TMEM132B: variants seen among roughly 807,000 people sequenced by gnomAD.
The protein encoded by TMEM132B is transmembrane protein 132B.
Under a neutral mutation model 90.8 loss-of-function variants are expected in TMEM132B, and 18 were observed. The ratio of observed to expected loss-of-function variants is 0.20; its 90% CI spans 0.14 to 0.29. The LOEUF (loss-of-function observed/expected upper bound fraction) is 0.29. Ranked by LOEUF, TMEM132B falls within the 10% of genes least tolerant of loss-of-function variation. The probability of loss-of-function intolerance (pLI) is 1.00; values close to 1 mark genes in which losing one functional copy is unlikely to be tolerated. For missense variants in TMEM132B, 1,096 were observed against 1,326.8 expected, an observed-to-expected ratio of 0.83 and a Z score of 2.70; for synonymous variants, 504 against 523.3, an observed-to-expected ratio of 0.96 and a Z score of 0.50.
At chr12:125,537,061 G>A (rs886689735) in intron 4 of TMEM132B, among the ~76,000 whole-genome samples, 1 of 152,016 alleles carries the variant, frequency 6.6e-6, no homozygotes, top group Admixed American at 6.6e-5. Flanking sequence ...TGGGATATAT[G>A]TCCAGCTGTC....
At position 125,579,521 on chromosome 12, in the gene TMEM132B, C is replaced by T. The variant is rs147137950; in HGVS notation, c.1294-4330C>T. Among the ~76,000 whole-genome samples, 639 of 151,874 alleles carry T rather than the reference C, an allele frequency of 4.2e-3. 1 individual carries two copies. The highest frequency in any genetic ancestry group is 6.8e-3 in the Admixed American group (104 of 15,254). ...GGATTACAGGTGTGGTGGCACCACA[C>T]CTGGCTAATTTTTTATATTTTTAGT... On this transcript the variant is annotated intron_variant, in intron 4 of 8. Transcript: ENST00000682704.
chr12:125,520,013 G>A (rs1883268448), intron 4 of TMEM132B, among the ~76,000 whole-genome samples: 1 of 152,142 alleles, frequency 6.6e-6, no homozygotes, highest in African/African-American at 2.4e-5. Flanking sequence ...TTGCCCTTAA[G>A]TCTCCCAGGT....
At chr12:125,510,768 TG>T (rs1360781659) in intron 3 of TMEM132B, among the ~76,000 whole-genome samples, 1 of 152,224 alleles carries the variant, frequency 6.6e-6, no homozygotes, top group Non-Finnish European at 1.5e-5. Flanking sequence ...TTACCATGCA[TG>T]TTTTTTTGCA....
At position 125,400,225 on chromosome 12, in the gene TMEM132B, G is replaced by A. The variant is rs190325118; in HGVS notation, c.960-15306G>A. Among the ~76,000 whole-genome samples, 4 of 152,316 alleles carry A rather than the reference G, an allele frequency of 2.6e-5. No individual in the cohort carries two copies. The East Asian group carries it at 7.7e-4, about 29-fold the overall frequency. On this transcript the variant is annotated intron_variant, in intron 2 of 8. Transcript: ENST00000682704. ...ATGTGAAATTTCTGATTTGTCCAAAGCTAGACACATAAGTTTCTTAGTATT... is the reference window on the plus strand; with the variant it reads ...ATGTGAAATTTCTGATTTGTCCAAAACTAGACACATAAGTTTCTTAGTATT...
chr12:125,421,710 G>C (rs1265814630), intron 3 of TMEM132B, among the ~76,000 whole-genome samples: 1 of 152,222 alleles, frequency 6.6e-6, no homozygotes, highest in African/African-American at 2.4e-5. Flanking sequence ...AGAGGGAAAG[G>C]TCATCCTTTT....
At chr12:125,199,381 A>T (rs1873003585) in intron 1 of TMEM132B, among the ~76,000 whole-genome samples, 1 of 152,184 alleles carries the variant, frequency 6.6e-6, no homozygotes. Flanking sequence ...TTAAGTTGTG[A>T]GTCCAGCTCT....
chr12:125,345,679 C>G (rs1354719017), intron 1 of TMEM132B, among the ~76,000 whole-genome samples: 1 of 152,186 alleles, frequency 6.6e-6, no homozygotes, highest in African/African-American at 2.4e-5. Flanking sequence ...CTTGTGTTCT[C>G]TCTGAACCTG....
Position 125,445,132 on chromosome 12 carries a change from A to G in TMEM132B, c.1106+29455A>G, listed in dbSNP as rs1238224931. ...GATAAGTGTAAAGATACAGTCAATT[A>G]TTTGCTACATTGATTTTCCTCTCCA... On this transcript the variant is annotated intron_variant, in intron 3 of 8. Coordinates refer to ENST00000682704, the MANE Select transcript of TMEM132B (RefSeq NM_001366854.1). The surrounding 1 kb of genome is among the most constrained non-coding windows in gnomAD (Gnocchi z 4.3). Among the ~76,000 whole-genome samples, 1 of 151,874 alleles carries G rather than the reference A, an allele frequency of 6.6e-6. No individual in the cohort carries two copies. The highest frequency in any genetic ancestry group is 1.9e-4 in the East Asian group (1 of 5,186).
chr12:125,379,784 A>G (rs1336021131), intron 2 of TMEM132B, among the ~76,000 whole-genome samples: 2 of 152,206 alleles, frequency 1.3e-5, no homozygotes, highest in Non-Finnish European at 2.9e-5. Flanking sequence ...TGTCCTGTGG[A>G]GTAAATGCTC....
chr12:125,191,514 G>C (rs530224857), intron 1 of TMEM132B, among the ~76,000 whole-genome samples: 142 of 152,286 alleles, frequency 9.3e-4, no homozygotes, highest in Admixed American at 3.4e-3. Flanking sequence ...AGCCTTGTGC[G>C]GAATGGTGTG....
chr12:125,414,229 T>A (rs557723151), intron 2 of TMEM132B, among the ~76,000 whole-genome samples: 1 of 152,380 alleles, frequency 6.6e-6, no homozygotes, highest in South Asian at 2.1e-4. Flanking sequence ...TTATATACGC[T>A]GAATGCTAGG....
chr12:125,324,662 C>A (rs778296000), intron 1 of TMEM132B, among the ~76,000 whole-genome samples: 2 of 152,156 alleles, frequency 1.3e-5, no homozygotes, highest in Non-Finnish European at 2.9e-5. Context: ...ACTGTGCATG[C>A]GAGGGACCTA....
chr12:125,268,988 T>C (rs1270911748), intron 1 of TMEM132B, among the ~76,000 whole-genome samples: 1 of 152,204 alleles, frequency 6.6e-6, no homozygotes, highest in Non-Finnish European at 1.5e-5. Flanking sequence ...ACTTCTACCT[T>C]GTTAACTAGC....
chr12:125,319,448 G>A (rs571993468), intron 1 of TMEM132B, among the ~76,000 whole-genome samples: 1 of 152,318 alleles, frequency 6.6e-6, no homozygotes, highest in East Asian at 1.9e-4. Context: ...GGTTGGTTTT[G>A]AGCCACACTG....
intron 1 of TMEM132B, among the ~76,000 whole-genome samples, chr12:125,195,881 A>T (rs1352058402): frequency 6.6e-6 from 1 of 152,184 alleles, no homozygotes; most frequent in African/African-American, 2.4e-5. Flanking sequence ...GAGGCCAGTG[A>T]GAGCTGTTCC....
chr12:125,333,834 C>T (rs1407785690), intron 1 of TMEM132B, among the ~76,000 whole-genome samples: 2 of 152,002 alleles, frequency 1.3e-5, no homozygotes, highest in African/African-American at 4.8e-5. Context: ...TGTCTGTGAC[C>T]CAGATACTGT....
At chr12:125,426,496 T>C (rs1190903918) in intron 3 of TMEM132B, among the ~76,000 whole-genome samples, 1 of 152,200 alleles carries the variant, frequency 6.6e-6, no homozygotes, top group African/African-American at 2.4e-5. Context: ...GAAAGCATAC[T>C]TGGGTGTTCT....
At chr12:125,565,272 T>G (rs1884633742) in intron 4 of TMEM132B, among the ~76,000 whole-genome samples, 1 of 152,196 alleles carries the variant, frequency 6.6e-6, no homozygotes, top group Non-Finnish European at 1.5e-5. Flanking sequence ...AATCGTGGCT[T>G]GTCTGTTGAG....
chr12:125,254,638 C>G (rs1322402789), intron 1 of TMEM132B, among the ~76,000 whole-genome samples: 2 of 151,594 alleles, frequency 1.3e-5, no homozygotes, highest in Non-Finnish European at 2.9e-5. Flanking sequence ...AGTGCAAGGT[C>G]CTCTCTCCTG....
Sources: allele counts gnomAD v4.1 joint callset (sites outside exome capture counted in the v4.1 genomes callset), GRCh38; gene constraint gnomAD v4.1.1; non-coding constraint Gnocchi (gnomAD v3.1); transcripts MANE v1.5; gene names NCBI Gene and HGNC (gene_info 2026-07-23, HGNC 2026-07-21).